SEPTIN9: variants seen among roughly 807,000 people sequenced by gnomAD.
SEPTIN9 encodes septin-9.
In SEPTIN9, 13 loss-of-function variants were observed where a neutral mutation model predicts 56.6. That is an observed-to-expected ratio of 0.23 (90% confidence interval 0.15 to 0.37). The LOEUF (loss-of-function observed/expected upper bound fraction) is 0.37. SEPTIN9 is among the 10% of genes least tolerant of loss of function. The pLI is 1.00. For missense variants in SEPTIN9, 650 were observed against 823.1 expected (o/e 0.79, Z 2.57); for synonymous variants, 332 against 334.1 (o/e 0.99, Z 0.07).
At position 77,296,760 on chromosome 17, in the gene SEPTIN9, C is replaced by T. The variant is rs150016829; in HGVS notation, c.20-10381C>T. ...CCCAGCCACTCGGGAGGCTGAGGCA[C>T]GAGAATCACTTGAACCTGGGAGGTG... On this transcript the variant is annotated intron_variant, in intron 1 of 11. Transcript: ENST00000427177. Among the ~76,000 whole-genome samples the T allele has an allele frequency of 4.1e-3, 622 of 152,074 alleles. 6 individuals carry two copies. The highest frequency in any genetic ancestry group is 0.014 in the African/African-American group (582 of 41,466).
At position 77,319,871 on chromosome 17, in the gene SEPTIN9, C is replaced by T. The variant is rs752679800; in HGVS notation, c.76+12674C>T. The T allele has an allele frequency of 3.7e-5, 41 of 1,095,334 alleles. No individual in the cohort carries two copies. The highest frequency in any genetic ancestry group is 3.4e-4 in the African/African-American group (21 of 62,016). The allele number at this position is 1,095,334 out of a possible 1,614,324, so 67.9% of individuals were successfully genotyped here. A position where few individuals can be genotyped will look rare whatever the true frequency, so the allele number is the denominator to read the frequency against. On this transcript the variant is annotated intron_variant, in intron 2 of 11. Coordinates refer to ENST00000427177, the MANE Select transcript of SEPTIN9 (RefSeq NM_001113491.2). This position sits in a 1 kb window ranked among gnomAD's most constrained non-coding sequence, Gnocchi z 5.3. Reference sequence around the variant, plus strand: ...GATATTAAAAAGGAGCAGCAAGCCTCGGGGCGGCGGGGGCTGGAGGAGGTG... The same window carrying T: ...GATATTAAAAAGGAGCAGCAAGCCTTGGGGCGGCGGGGGCTGGAGGAGGTG...
At chr17:77,358,547 G>A (rs1021949219) in intron 2 of SEPTIN9, among the ~76,000 whole-genome samples, 3 of 152,124 alleles carry the variant, frequency 2.0e-5, no homozygotes, top group African/African-American at 7.2e-5. Flanking sequence ...ACTGAGGCAC[G>A]AGAATCACTT....
chr17:77,486,135 G>T (rs1317318768), intron 4 of SEPTIN9, among the ~76,000 whole-genome samples: 1 of 150,342 alleles, frequency 6.7e-6, no homozygotes, highest in African/African-American at 2.5e-5. Flanking sequence ...TTTTTTAAAA[G>T]ACAGGGTCTC....
intron 2 of SEPTIN9, among the ~76,000 whole-genome samples, chr17:77,372,110 G>A (rs964872973): frequency 5.9e-5 from 9 of 152,190 alleles, no homozygotes; most frequent in African/African-American, 2.2e-4. Flanking sequence ...CAGTTGTAGC[G>A]TTGCGGCCTG....
chr17:77,408,143 G>T (rs2036158678), intron 3 of SEPTIN9, among the ~76,000 whole-genome samples: 2 of 152,154 alleles, frequency 1.3e-5, no homozygotes, highest in South Asian at 4.1e-4. Flanking sequence ...CTCAGTTCTG[G>T]GCATGTCCCA....
At chr17:77,321,590 G>A (rs9897631) in intron 2 of SEPTIN9, among the ~76,000 whole-genome samples, 58,928 of 151,784 alleles carry the variant, frequency 0.39, 12,609 homozygotes, top group East Asian at 0.53. Flanking sequence ...GGGTTTCACC[G>A]TGTCAACCAG....
At chr17:77,495,556 G>C (rs576594767) in intron 10 of SEPTIN9, among the ~76,000 whole-genome samples, 2 of 152,338 alleles carry the variant, frequency 1.3e-5, no homozygotes, top group Admixed American at 1.3e-4. Flanking sequence ...GGCGGGTGAC[G>C]TTATTATCCA....
intron 2 of SEPTIN9, among the ~76,000 whole-genome samples, chr17:77,308,846 G>A (rs2032370200): frequency 6.6e-6 from 1 of 152,234 alleles, no homozygotes; most frequent in African/African-American, 2.4e-5. Flanking sequence ...GGGAGTGGAG[G>A]GGATGCCGTG....
chr17:77,455,048 C>CT (rs75305961), intron 3 of SEPTIN9, among the ~76,000 whole-genome samples: 66 of 145,498 alleles, frequency 4.5e-4, no homozygotes, highest in Non-Finnish European at 4.7e-4. Flanking sequence ...GGCTCTCTTT[C>CT]TTTTTTTTTT....
intron 10 of SEPTIN9, among the ~76,000 whole-genome samples, chr17:77,494,625 C>A (rs1028585165): frequency 6.6e-6 from 1 of 152,254 alleles, no homozygotes; most frequent in Non-Finnish European, 1.5e-5. Flanking sequence ...ATCAGACACT[C>A]CTGTGCCACT....
chr17:77,494,355 A>G (rs548457767), intron 10 of SEPTIN9, among the ~76,000 whole-genome samples: 6 of 152,040 alleles, frequency 3.9e-5, no homozygotes, highest in Non-Finnish European at 7.4e-5. Context: ...TTCATTTCTC[A>G]TTAGAATGGA....
chr17:77,358,149 A>C (rs568861032), intron 2 of SEPTIN9, among the ~76,000 whole-genome samples: 1 of 152,186 alleles, frequency 6.6e-6, no homozygotes. Context: ...TACCCAGTGA[A>C]TGTCCCCACG....
rs569246636 is a variant in SEPTIN9 at position 77,312,289 on chromosome 17, C to T, written c.76+5092C>T. On this transcript the variant is annotated intron_variant, in intron 2 of 11. Coordinates refer to ENST00000427177, the MANE Select transcript of SEPTIN9 (RefSeq NM_001113491.2). ...CCGATCATTTCCATTAGACCTGGGCCGGGTCTTCTTACTCATAGAGCCCTT... is the reference window on the plus strand; with the variant it reads ...CCGATCATTTCCATTAGACCTGGGCTGGGTCTTCTTACTCATAGAGCCCTT... 1.9e-3 allele frequency among the ~76,000 whole-genome samples: 284 copies of T among 152,256 alleles called. 1 individual carries two copies. The highest frequency in any genetic ancestry group is 6.6e-3 in the African/African-American group (272 of 41,522).
intron 2 of SEPTIN9, among the ~76,000 whole-genome samples, chr17:77,338,749 G>A (rs759965714): frequency 2.6e-5 from 4 of 152,068 alleles, no homozygotes; most frequent in Admixed American, 6.5e-5. Flanking sequence ...TTTTGACATG[G>A]GTTGACTCTT....
Position 77,314,944 on chromosome 17 carries a change from G to A in SEPTIN9, c.76+7747G>A, listed in dbSNP as rs189152058. ...GTGCCCAGGATGGTGCACCTGGGGC[G>A]GCTGAACTGGACCTGGCTCCTACTG... is the stretch of plus-strand genomic sequence containing the variant. On this transcript the variant is annotated intron_variant, in intron 2 of 11. Coordinates refer to ENST00000427177, the MANE Select transcript of SEPTIN9 (RefSeq NM_001113491.2). Among the ~76,000 whole-genome samples the A allele has an allele frequency of 2.3e-4, 35 of 152,282 alleles. No individual in the cohort carries two copies. The East Asian group carries it at 6.0e-3, about 26-fold the overall frequency.
At chr17:77,292,993 T>C (rs1345896926) in intron 1 of SEPTIN9, among the ~76,000 whole-genome samples, 8 of 77,228 alleles carry the variant, frequency 1.0e-4, no homozygotes, top group Admixed American at 2.7e-4. Flanking sequence ...CTTGAGCATT[T>C]ATTTATTTAT....
rs986522771 is a variant in SEPTIN9, at chr17:77,421,750, C to T, written c.721+19047C>T. On this transcript the variant is annotated intron_variant, in intron 3 of 11. Coordinates refer to ENST00000427177, the MANE Select transcript of SEPTIN9 (RefSeq NM_001113491.2). This position sits in a 1 kb window ranked among gnomAD's most constrained non-coding sequence, Gnocchi z 4.6. ...CACTTCCTCTCACCGTGCCAGGGTG[C>T]AGGTTGCTAGTGGATGGGTCTTCAC... Among the ~76,000 whole-genome samples, 2 of 152,194 alleles carry T rather than the reference C, an allele frequency of 1.3e-5. No individual in the cohort carries two copies.
chr17:77,432,784 G>A (rs1357923187), intron 3 of SEPTIN9, among the ~76,000 whole-genome samples: 2 of 152,252 alleles, frequency 1.3e-5, no homozygotes, highest in Non-Finnish European at 2.9e-5. Flanking sequence ...ACAGAAGGTG[G>A]AACGCTTTTT....
intron 2 of SEPTIN9, among the ~76,000 whole-genome samples, chr17:77,334,744 T>G (rs540314742): frequency 1.2e-4 from 18 of 152,296 alleles, no homozygotes; most frequent in African/African-American, 4.3e-4. Flanking sequence ...ATTTTTTAAA[T>G]TTTTACATTT....
Sources: allele counts gnomAD v4.1 joint callset (sites outside exome capture counted in the v4.1 genomes callset), GRCh38; gene constraint gnomAD v4.1.1; non-coding constraint Gnocchi (gnomAD v3.1); transcripts MANE v1.5; gene names NCBI Gene and HGNC (gene_info 2026-07-23, HGNC 2026-07-21).